The following HACD4 variants were observed in gnomAD, a reference collection of about 807,000 sequenced individuals.
HACD4 encodes 3-hydroxyacyl-CoA dehydratase 4.
HACD4 carries 35 observed loss-of-function variants against 33.3 expected under a neutral mutation model. The ratio of observed to expected loss-of-function variants is 1.05; its 90% CI spans 0.80 to 1.39. The LOEUF is 1.39. Among genes scored for constraint, HACD4 ranks in the 40% most tolerant of loss-of-function variants. The probability of loss-of-function intolerance (pLI) is 0.00; values close to 1 mark genes in which losing one functional copy is unlikely to be tolerated. For missense variants in HACD4, 323 were observed against 276.5 expected (o/e 1.17, Z -1.19); for synonymous variants, 118 against 98.0 (o/e 1.20, Z -1.21).
chr9:21,019,396 T>A (rs1817845119), intron 3 of HACD4, among the ~76,000 whole-genome samples: 1 of 152,132 alleles, frequency 6.6e-6, no homozygotes, highest in African/African-American at 2.4e-5. Flanking sequence ...TATTGTTACA[T>A]AGTAATTATT....
Position 21,031,579 on chromosome 9 carries a change from C to A in HACD4, c.12G>T (p.Leu4Phe). The A allele has an allele frequency of 6.9e-7, 1 of 1,447,684 alleles. No individual in the cohort carries two copies. The highest frequency in any genetic ancestry group is 1.4e-5 in the South Asian group (1 of 73,666). 89.7% of individuals were successfully genotyped at this position (1,447,684 alleles called of 1,614,324 possible). MGP[L>F]ALPAWLQPRY... is the part of the protein sequence containing the mutation. ...TGGGCTGCAGCCAGGCGGGCAGCGC[C>A]AAGGGCCCCATGGGCCGCCGCCGCC... Residue 4 changes from leucine (L) to phenylalanine (F), a missense_variant, in exon 1 of 7, where the codon TTG becomes TTT. By Grantham distance (22) the Leu-to-Phe change is conservative. Transcript: ENST00000495827.
rs1345025569 is a variant in HACD4 at position 21,007,040 on chromosome 9, C to T, written c.696G>A (p.Met232Ile). The change falls in exon 7 of 7, where the codon ATG becomes ATA. Residue 232 changes from methionine (M) to isoleucine (I), a missense_variant. By Grantham distance (10) the Met-to-Ile change is conservative. Transcript: ENST00000495827. Reference protein sequence around the residue: ...LGIFPIKKKKM With the variant: ...LGIFPIKKKKI ...TGTCACACTGGAATGCTGTACTTCA[C>T]ATCTTCTTTTTTTTAATGGGAAAGA... The T allele has an allele frequency of 6.4e-7, 1 of 1,550,918 alleles. No individual in the cohort carries two copies. The highest frequency in any genetic ancestry group is 8.9e-7 in the Non-Finnish European group (1 of 1,122,730).
At chr9:21,023,597 C>T (rs1441688698) in intron 3 of HACD4, among the ~76,000 whole-genome samples, 13 of 131,872 alleles carry the variant, frequency 9.9e-5, no homozygotes, top group African/African-American at 3.7e-4. Flanking sequence ...TTTTTTGAGA[C>T]GGAGTCTTGC....
At chr9:21,009,758 T>C (rs1166316600) in intron 5 of HACD4, among the ~76,000 whole-genome samples, 1 of 152,162 alleles carries the variant, frequency 6.6e-6, no homozygotes, top group Admixed American at 6.5e-5. Context: ...ATCTCAAAAA[T>C]GTATTCCTCC....
intron 3 of HACD4, among the ~76,000 whole-genome samples, chr9:21,025,124 T>C (rs1417979910): frequency 2.0e-5 from 3 of 152,172 alleles, no homozygotes; most frequent in Admixed American, 2.0e-4. Flanking sequence ...TCTTAGCTAG[T>C]TAAGTGACTA....
chr9:21,011,112 T>C (rs981015518), intron 5 of HACD4, among the ~76,000 whole-genome samples: 2 of 152,176 alleles, frequency 1.3e-5, no homozygotes, highest in East Asian at 3.9e-4. Flanking sequence ...GGGAACTCAG[T>C]TGAGGAAGTC....
At position 21,011,617 on chromosome 9, in the gene HACD4, T is replaced by C. The variant is rs1395739897; in HGVS notation, c.462A>G (p.Pro154=). 8.1e-6 allele frequency: 13 copies of C among 1,608,662 alleles called. No homozygotes were observed. The Admixed American group carries it at 2.2e-4, about 27-fold the overall frequency. The change falls in exon 5 of 7, where the codon CCA becomes CCG. Residue 154 remains proline (P), a synonymous_variant. Transcript: ENST00000495827. The stretch of plus-strand genomic sequence containing the variant: ...CAGCAAGAACACACAAAGGATAAAT[T>C]GGCATCCATAGTGTTTGACTGAGCC... ...LTWLSQTLWM[P]IYPLCVLAEA...
At position 21,013,238 on chromosome 9, in the gene HACD4, T is replaced by G. The variant is rs147659662; in HGVS notation, c.384-1543A>C. Among the ~76,000 whole-genome samples, 13 of 152,292 alleles carry G rather than the reference T, an allele frequency of 8.5e-5. No homozygotes were observed. In the East Asian group the frequency reaches 1.7e-3, roughly 20 times the overall value. On this transcript the variant is annotated intron_variant, in intron 4 of 6. Coordinates refer to ENST00000495827, the MANE Select transcript of HACD4 (RefSeq NM_001010915.5). ...TATGTGAGTGGTTAACTTCATTTTT[T>G]TGTGTGTGTATATCCAGTTGTCCCA...
At chr9:21,021,889 C>G (rs1196693152) in intron 3 of HACD4, among the ~76,000 whole-genome samples, 1 of 152,104 alleles carries the variant, frequency 6.6e-6, no homozygotes, top group East Asian at 1.9e-4. Context: ...CTTTAAAGTT[C>G]ATATGGAACC....
intron 1 of HACD4, 138 bp downstream of exon 1, chr9:21,031,415 G>A: frequency 7.6e-7 from 1 of 1,311,646 alleles, no homozygotes; most frequent in Non-Finnish European, 9.7e-7. Context: ...TGAGCTCCAA[G>A]GGGTGCCTGG....
chr9:21,010,459 C>A lies in HACD4; in HGVS notation c.490+1130G>T, dbSNP rs968740224. 6.3e-4 allele frequency among the ~76,000 whole-genome samples: 14 copies of A among 22,396 alleles called. 1 individual carries two copies. The highest frequency in any genetic ancestry group is 1.3e-3 in the Non-Finnish European group (9 of 7,066). The allele number at this position is 22,396 out of a possible 152,430, so 14.7% of individuals were successfully genotyped here. On this transcript the variant is annotated intron_variant, in intron 5 of 6. Coordinates refer to ENST00000495827, the MANE Select transcript of HACD4 (RefSeq NM_001010915.5). ...AAACAGACTCAGACATCCTGGTACC[C>A]CCCCCCCCCCCAGAGCTTACAGTCT...
At chr9:21,025,685 A>T (rs774007182) in intron 3 of HACD4, among the ~76,000 whole-genome samples, 1 of 152,166 alleles carries the variant, frequency 6.6e-6, no homozygotes, top group Non-Finnish European at 1.5e-5. Flanking sequence ...TCCAGCAATG[A>T]TTTTCTACAT....
chr9:21,007,806 C>A (rs542345058), intron 6 of HACD4, among the ~76,000 whole-genome samples: 1 of 152,226 alleles, frequency 6.6e-6, no homozygotes, highest in African/African-American at 2.4e-5. Flanking sequence ...TAAAATTGTT[C>A]TTATTTGTAC....
chr9:21,015,601 G>GT, intron 4 of HACD4: 1 of 229,686 alleles, frequency 4.4e-6, no homozygotes. Flanking sequence ...AAGCAATTGT[G>GT]AGGAATGCCT....
chr9:21,028,228 G>T (rs974456437), intron 2 of HACD4, among the ~76,000 whole-genome samples: 1 of 151,972 alleles, frequency 6.6e-6, no homozygotes, highest in Admixed American at 6.6e-5. Flanking sequence ...TCACTGGAAA[G>T]GTGAGACAGC....
chr9:21,011,800 A>C (rs1842445772), intron 4 of HACD4, 105 bp from the exon 5 acceptor site: 1 of 620,412 alleles, frequency 1.6e-6, no homozygotes, highest in Non-Finnish European at 2.8e-6. Flanking sequence ...GAAAGTGTAC[A>C]AATTGTATAT....
chr9:21,019,279 T>C (rs1817840073), intron 3 of HACD4, among the ~76,000 whole-genome samples: 1 of 152,072 alleles, frequency 6.6e-6, no homozygotes, highest in African/African-American at 2.4e-5. Flanking sequence ...AGTTGAGAGC[T>C]CAAGAGCCAA....
intron 3 of HACD4, among the ~76,000 whole-genome samples, chr9:21,025,235 G>A (rs2132798101): frequency 6.6e-6 from 1 of 152,166 alleles, no homozygotes; most frequent in Middle Eastern, 3.4e-3. Context: ...TTTCCCTACT[G>A]TTACTTAATA....
chr9:21,024,504 A>G (rs549538866), intron 3 of HACD4, among the ~76,000 whole-genome samples: 6 of 152,362 alleles, frequency 3.9e-5, no homozygotes, highest in Admixed American at 3.9e-4. Flanking sequence ...ATATTTCTAT[A>G]AGCCATTAAA....
Sources: gnomAD v4.1 joint callset for allele counts (sites outside exome capture counted in the v4.1 genomes callset) on GRCh38, gnomAD v4.1.1 for gene constraint, MANE v1.5 for transcripts, NCBI Gene and HGNC (gene_info 2026-07-23, HGNC 2026-07-21) for gene names.